Variants in NOTCH1 observed in about 807,000 individuals in gnomAD.
NOTCH1 encodes the protein neurogenic locus notch homolog protein 1.
Under a neutral mutation model 254.8 loss-of-function variants are expected in NOTCH1, and 37 were observed. The ratio of observed to expected loss-of-function variants is 0.15; its 90% confidence interval spans 0.11 to 0.19. The LOEUF is 0.19. Among genes scored for constraint, NOTCH1 ranks in the 10% least tolerant of loss-of-function variants. The pLI is 1.00. For synonymous variants in NOTCH1, 1,731 were observed against 1,618.1 expected (o/e 1.07, Z -1.68); for missense variants, 2,972 against 3,708.6 (o/e 0.80, Z 5.16).
At chr9:136,529,912 G>C (rs1843531123) in intron 2 of NOTCH1, among the ~76,000 whole-genome samples, 1 of 152,230 alleles carries the variant, frequency 6.6e-6, no homozygotes, top group African/African-American at 2.4e-5. Flanking sequence ...GCTGCCTCCA[G>C]CCACCACCTG....
Position 136,498,955 on chromosome 9 carries a change from C to T in NOTCH1, c.6124G>A (p.Asp2042Asn), listed in dbSNP as rs1842956875. The stretch of plus-strand genomic sequence containing the variant: ...TTCTTCAGGAGCACAACTGCGGCAT[C>T]CACATTGTTCACGGCGGCGGCCCAG... The part of the protein sequence containing the change: ...LHWAAAVNNV[D>N]AAVVLLKNGA... Residue 2042 changes from aspartate to asparagine, a missense_variant, in exon 33 of 34, where the codon GAT becomes AAT. By Grantham distance (23) the Asp-to-Asn change is conservative. Transcript: ENST00000651671. 6.2e-7 allele frequency: 1 copy of T among 1,613,612 alleles called. No individual in the cohort carries two copies. Among genetic ancestry groups the T allele is most frequent in the Non-Finnish European group, 8.5e-7 (1 of 1,180,028 alleles).
rs1352158732 is a variant in NOTCH1 at position 136,506,029 on chromosome 9, TACA to T, written c.4015-151_4015-149del. 3 of 680,224 alleles carry T rather than the reference TACA, an allele frequency of 4.4e-6. No individual in the cohort carries two copies. The African/African-American group carries it at 5.4e-5, about 12-fold the overall frequency. 42.1% of individuals were successfully genotyped at this position (680,224 alleles called of 1,614,324 possible). ...CCTTGCCCCCAGCAGCAAAACCCTT[TACA>T]CACATTCTACCAACAGAGAAAGATC... On this transcript the variant is annotated intron_variant, in intron 24 of 33. Transcript: ENST00000651671. This position sits in a 1 kb window ranked among gnomAD's most constrained non-coding sequence, Gnocchi z 4.5.
At chr9:136,499,877 C>T (rs1842970394) in intron 31 of NOTCH1, among the ~76,000 whole-genome samples, 1 of 152,226 alleles carries the variant, frequency 6.6e-6, no homozygotes, top group Non-Finnish European at 1.5e-5. Context: ...TTCTGCTCAC[C>T]TACATTTATT....
chr9:136,540,266 C>T lies in NOTCH1; in HGVS notation c.140+3758G>A, dbSNP rs929784635. ...GGGGCCATGTCTGCCCTGTCCCCAC[C>T]GGGGGCCTGGCCTGGAGCAGAACGC... On this transcript the variant is annotated intron_variant, in intron 2 of 33. Coordinates refer to ENST00000651671, the MANE Select transcript of NOTCH1 (RefSeq NM_017617.5). The surrounding 1 kb of genome is among the most constrained non-coding windows in gnomAD (Gnocchi z 4.4). Among the ~76,000 whole-genome samples the T allele has an allele frequency of 6.6e-6, 1 of 152,190 alleles. No homozygotes were observed. Among genetic ancestry groups the T allele is most frequent in the African/African-American group, 2.4e-5 (1 of 41,456 alleles).
intron 4 of NOTCH1, among the ~76,000 whole-genome samples, chr9:136,520,282 C>T (rs1030621731): frequency 2.6e-5 from 4 of 152,192 alleles, no homozygotes; most frequent in African/African-American, 4.8e-5. Flanking sequence ...TTTGAACCCC[C>T]GTTGCCCTTG....
At position 136,523,080 on chromosome 9, in the gene NOTCH1, T is replaced by C. The variant is rs1271986548; in HGVS notation, c.512A>G (p.His171Arg). 2 of 1,592,774 alleles carry C rather than the reference T, an allele frequency of 1.3e-6. No homozygotes were observed. Among genetic ancestry groups the C allele is most frequent in the Non-Finnish European group, 8.5e-7 (1 of 1,170,392 alleles). Residue 171 changes from histidine (H) to arginine (R), a missense_variant, in exon 4 of 34, where the codon CAT becomes CGT. Physicochemically the swap from His to Arg is conservative, Grantham distance 29. Transcript: ENST00000651671. ...SYICHCPPSF[H>R]GPTCRQDVNE... The stretch of plus-strand genomic sequence containing the variant: ...GACATCCTGCCGGCAGGTGGGGCCA[T>C]GGAAGCTGGGTGGGCAGTGGCAGAT...
chr9:136,533,563 G>A (rs561496917), intron 2 of NOTCH1, among the ~76,000 whole-genome samples: 92 of 152,278 alleles, frequency 6.0e-4, no homozygotes, highest in African/African-American at 2.0e-3. Flanking sequence ...TCGACGGCCC[G>A]GCAAGCCCAG....
intron 2 of NOTCH1, 113 bp from the exon 3 acceptor site, chr9:136,524,092 C>CGGGCACAACG (rs1198980593): frequency 1.5e-6 from 2 of 1,349,936 alleles, no homozygotes; most frequent in Admixed American, 4.0e-5. Context: ...ACCCCGGGCA[C>CGGGCACAACG]GGGCACAACG....
rs776434236 is a variant in NOTCH1 at position 136,516,102 on chromosome 9, C to G, written c.1556-8G>C. ...ACAGATGCCCAGTGAAGCCTGGGGC[C>G]GGGGAGGGGAGGGGAGGGAGTCATG... On this transcript the variant is annotated splice_region_variant and splice_polypyrimidine_tract_variant and intron_variant, in intron 9 of 33. Coordinates refer to ENST00000651671, the MANE Select transcript of NOTCH1 (RefSeq NM_017617.5). 7.7e-6 allele frequency: 12 copies of G among 1,552,828 alleles called. No individual in the cohort carries two copies. Among genetic ancestry groups the G allele is most frequent in the Non-Finnish European group, 1.1e-5 (12 of 1,129,028 alleles).
At chr9:136,507,648 G>A (rs1006816875) in intron 21 of NOTCH1, among the ~76,000 whole-genome samples, 1 of 152,192 alleles carries the variant, frequency 6.6e-6, no homozygotes, top group South Asian at 2.1e-4. Context: ...CCTGTTGGGG[G>A]TGGGTGGACC....
At position 136,506,913 on chromosome 9, in the gene NOTCH1, C is replaced by T. The variant is rs947906352; in HGVS notation, c.3704G>A (p.Ser1235Asn). 1.2e-6 allele frequency: 2 copies of T among 1,611,616 alleles called. No individual in the cohort carries two copies. Among genetic ancestry groups the T allele is most frequent in the Non-Finnish European group, 8.5e-7 (1 of 1,179,406 alleles). Residue 1235 changes from serine (S) to asparagine (N), a missense_variant, in exon 23 of 34, where the codon AGC (serine) becomes AAC (asparagine). Ser to Asn is a conservative substitution (Grantham distance 46). This residue lies in a region of NOTCH1 where 1,343 missense variants were observed against 1,557.0 expected (regional missense o/e 0.86). Transcript: ENST00000651671. This position sits in a 1 kb window ranked among gnomAD's most constrained non-coding sequence, Gnocchi z 4.5. ...GGTGCCGTTGTTAAAGCACTTGGGGCTCCGGGACACGGGGTCAACGGGGGG... is the reference window on the plus strand; with the variant it reads ...GGTGCCGTTGTTAAAGCACTTGGGGTTCCGGGACACGGGGTCAACGGGGGG... ...CNPPVDPVSR[S>N]PKCFNNGTCV...
chr9:136,535,513 T>TCG (rs1843634355), intron 2 of NOTCH1, among the ~76,000 whole-genome samples: 4 of 13,406 alleles, frequency 3.0e-4, no homozygotes, highest in African/African-American at 9.3e-4. Context: ...AGGGTGGGAG[T>TCG]GGGTGGAGGG....
At chr9:136,531,432 C>T (rs1449445473) in intron 2 of NOTCH1, among the ~76,000 whole-genome samples, 1 of 152,204 alleles carries the variant, frequency 6.6e-6, no homozygotes, top group Non-Finnish European at 1.5e-5. Context: ...AGGAGGAAGG[C>T]GCGTGTCCCC....
rs1842927243 is a variant in NOTCH1 at position 136,497,001 on chromosome 9, G to C, written c.6738C>G (p.His2246Gln). Residue 2246 changes from histidine (H) to glutamine (Q), a missense_variant, in exon 34 of 34, where the codon CAC becomes CAG. Physicochemically the swap from His to Gln is conservative, Grantham distance 24. Transcript: ENST00000651671. ...GMPDTHLGIG[H>Q]LNVAAKPEMA... ...TCTCGGGCTTGGCCGCCACGTTCAGGTGCCCGATGCCCAGGTGGGTGTCGG... is the reference window on the plus strand; with the variant it reads ...TCTCGGGCTTGGCCGCCACGTTCAGCTGCCCGATGCCCAGGTGGGTGTCGG... 6.2e-7 allele frequency: 1 copy of C among 1,610,254 alleles called. No homozygotes were observed. Among genetic ancestry groups the C allele is most frequent in the Non-Finnish European group, 8.5e-7 (1 of 1,178,912 alleles).
At position 136,501,836 on chromosome 9, in the gene NOTCH1, G is replaced by A. The variant is rs374451515; in HGVS notation, c.5550C>T (p.Ala1850=). Reference sequence around the variant, plus strand: ...CCATGGCAGACATGCGCAGGTCAGCGGCATCCAGGTGCTGCTGAGTCCACT... The same window carrying A: ...CCATGGCAGACATGCGCAGGTCAGCAGCATCCAGGTGCTGCTGAGTCCACT... ...HRQWTQQHLD[A]ADLRMSAMAP... is the part of the protein sequence containing the mutation. The change falls in exon 30 of 34, where the codon GCC becomes GCT. Residue 1850 remains alanine, a synonymous_variant. Coordinates refer to ENST00000651671, the MANE Select transcript of NOTCH1 (RefSeq NM_017617.5). 7.6e-5 allele frequency: 122 copies of A among 1,612,576 alleles called. No individual in the cohort carries two copies. Among genetic ancestry groups the A allele is most frequent in the South Asian group, 3.6e-4 (33 of 91,088 alleles).
rs920936698 is a variant in NOTCH1 at position 136,507,210 on chromosome 9, G to A, written c.3643+95C>T. 3.9e-5 allele frequency: 62 copies of A among 1,595,412 alleles called. No homozygotes were observed. In the Admixed American group the frequency reaches 9.0e-4, roughly 23 times the overall value. ...ACAGGAAAATGGGAGTTTCTGGCTG[G>A]TTCCTGGATGCCTCTGGCCGGTCCC... On this transcript the variant is annotated intron_variant, in intron 22 of 33. Coordinates refer to ENST00000651671, the MANE Select transcript of NOTCH1 (RefSeq NM_017617.5).
intron 1 of NOTCH1, among the ~76,000 whole-genome samples, chr9:136,544,960 T>C (rs959341671): frequency 6.6e-6 from 1 of 152,092 alleles, no homozygotes; most frequent in Non-Finnish European, 1.5e-5. Flanking sequence ...CAGATAATTC[T>C]CGCCTCCAAC....
chr9:136,518,338 A>G (rs1843311015), intron 6 of NOTCH1, 46 bp from the exon 7 acceptor site: 3 of 1,582,046 alleles, frequency 1.9e-6, no homozygotes, highest in African/African-American at 2.7e-5. Context: ...TGGGCCAGGC[A>G]TGGCACACCA....
intron 31 of NOTCH1, 141 bp from the exon 32 acceptor site, chr9:136,499,400 G>A: frequency 7.8e-7 from 1 of 1,278,684 alleles, no homozygotes; most frequent in Non-Finnish European, 1.1e-6. Flanking sequence ...GGCCGGGCAA[G>A]ACGAAACGCC....
Sources: allele counts gnomAD v4.1 joint callset (sites outside exome capture counted in the v4.1 genomes callset), GRCh38; gene constraint gnomAD v4.1.1; regional missense constraint gnomAD v4.1.1; non-coding constraint Gnocchi (gnomAD v3.1); transcripts MANE v1.5; gene names NCBI Gene and HGNC (gene_info 2026-07-23, HGNC 2026-07-21).